Variants in SUGCT observed in about 807,000 individuals in gnomAD.
SUGCT encodes succinyl-CoA:glutarate CoA-transferase.
Under a neutral mutation model 55.0 loss-of-function variants are expected in SUGCT, and 41 were observed. The ratio of observed to expected loss-of-function variants is 0.74; its 90% CI spans 0.58 to 0.97. The LOEUF (loss-of-function observed/expected upper bound fraction) is 0.97, where lower values mean the gene tolerates loss of function less well. SUGCT is among the 50% of genes least tolerant of loss of function. SUGCT has a pLI of 0.00. For missense variants in SUGCT, 568 were observed against 547.8 expected (o/e 1.04, Z -0.37); for synonymous variants, 187 against 200.4 (o/e 0.93, Z 0.56).
At chr7:40,995,682 AATC>A in the SUGCT span, among the ~76,000 whole-genome samples, 4 of 151,736 alleles carry the variant, frequency 2.6e-5, no homozygotes, top group African/African-American at 9.7e-5. Context: ...TCATCACTAT[AATC>A]ATCACGTAAA....
At chr7:40,557,771 TAAAA>T (rs34029032) in intron 12 of SUGCT, among the ~76,000 whole-genome samples, 2 of 115,784 alleles carry the variant, frequency 1.7e-5, no homozygotes. Flanking sequence ...AGACTCTGTC[TAAAA>T]AAAAAAAAAA....
intron 8 of SUGCT, among the ~76,000 whole-genome samples, chr7:40,287,481 TG>T (rs1378909883): frequency 1.7e-4 from 26 of 151,086 alleles, no homozygotes; most frequent in South Asian, 4.1e-4. Context: ...GATGTAACTG[TG>T]TTTTTTCCCT....
chr7:41,007,262 A>G, the SUGCT span, among the ~76,000 whole-genome samples: 2 of 152,186 alleles, frequency 1.3e-5, no homozygotes, highest in African/African-American at 4.8e-5. Context: ...TGACTACTTA[A>G]TATTACACTA....
the SUGCT span, among the ~76,000 whole-genome samples, chr7:40,937,597 TA>T: frequency 2.0e-5 from 3 of 152,246 alleles, no homozygotes; most frequent in African/African-American, 7.2e-5. Flanking sequence ...TATGTGTTTA[TA>T]ATTGTTATAT....
chr7:40,529,897 A>G (rs940295815), intron 12 of SUGCT, among the ~76,000 whole-genome samples: 1 of 152,226 alleles, frequency 6.6e-6, no homozygotes, highest in Non-Finnish European at 1.5e-5. Context: ...GTTCAAAGGT[A>G]CAAGGAAAGT....
At chr7:40,920,045 C>T in the SUGCT span, among the ~76,000 whole-genome samples, 1 of 152,080 alleles carries the variant, frequency 6.6e-6, no homozygotes, top group Non-Finnish European at 1.5e-5. Context: ...AGCCTGGGAG[C>T]ACCTTCTCGG....
At chr7:40,329,518 A>G (rs1584695094) in intron 9 of SUGCT, among the ~76,000 whole-genome samples, 1 of 152,114 alleles carries the variant, frequency 6.6e-6, no homozygotes, top group Non-Finnish European at 1.5e-5. Flanking sequence ...CCTGGAAAGT[A>G]TTTACTCTCA....
At chr7:40,285,106 G>A (rs1793233440) in intron 8 of SUGCT, among the ~76,000 whole-genome samples, 1 of 152,140 alleles carries the variant, frequency 6.6e-6, no homozygotes, top group Non-Finnish European at 1.5e-5. Context: ...ATAAAATGGG[G>A]AGAAATGTTT....
chr7:40,169,606 C>T (rs1205403401), intron 1 of SUGCT, among the ~76,000 whole-genome samples: 3 of 152,126 alleles, frequency 2.0e-5, no homozygotes, highest in African/African-American at 4.8e-5. Context: ...TATTTCTATT[C>T]GGACAATCTT....
chr7:40,150,122 G>A (rs925448977), intron 1 of SUGCT, among the ~76,000 whole-genome samples: 1 of 152,100 alleles, frequency 6.6e-6, no homozygotes, highest in East Asian at 1.9e-4. Context: ...GGAGTCATGC[G>A]GCCGGAGGCT....
intron 12 of SUGCT, among the ~76,000 whole-genome samples, chr7:40,700,322 T>C (rs1220417898): frequency 6.6e-6 from 1 of 152,158 alleles, no homozygotes; most frequent in Admixed American, 6.5e-5. Flanking sequence ...ACTTAGCTTC[T>C]TCCTAAGACA....
chr7:40,398,092 TC>T, intron 9 of SUGCT, among the ~76,000 whole-genome samples: 1 of 152,136 alleles, frequency 6.6e-6, no homozygotes, highest in East Asian at 1.9e-4. Context: ...ATTTCTTTTT[TC>T]TTTTCTTTTC....
chr7:40,675,316 C>T (rs961372783), intron 12 of SUGCT, among the ~76,000 whole-genome samples: 1 of 152,210 alleles, frequency 6.6e-6, no homozygotes, highest in Non-Finnish European at 1.5e-5. Context: ...GCCTCGGCCT[C>T]CCGAAGTGCT....
chr7:40,466,925 C>T (rs750634338), intron 11 of SUGCT, among the ~76,000 whole-genome samples: 3 of 152,144 alleles, frequency 2.0e-5, no homozygotes, highest in Non-Finnish European at 2.9e-5. Context: ...ACAGACGGGC[C>T]GGGCACGGTG....
chr7:40,317,514 C>T (rs989326415), intron 9 of SUGCT, among the ~76,000 whole-genome samples: 1 of 152,180 alleles, frequency 6.6e-6, no homozygotes, highest in African/African-American at 2.4e-5. Context: ...CTGCATATCT[C>T]CTGTACTCTA....
intron 12 of SUGCT, among the ~76,000 whole-genome samples, chr7:40,613,492 C>T (rs1334167331): frequency 1.3e-5 from 2 of 152,182 alleles, no homozygotes; most frequent in East Asian, 1.9e-4. Context: ...GCAGTGGCTT[C>T]TTGACATTAG....
chr7:40,466,195 C>G (rs1790100734), intron 11 of SUGCT, among the ~76,000 whole-genome samples: 1 of 152,202 alleles, frequency 6.6e-6, no homozygotes. Flanking sequence ...CTCTGAGTCA[C>G]TATGCCTGGC....
chr7:40,178,825 TG>T (rs1269359118), intron 1 of SUGCT, among the ~76,000 whole-genome samples: 1 of 152,204 alleles, frequency 6.6e-6, no homozygotes, highest in Non-Finnish European at 1.5e-5. Flanking sequence ...ATTATTTCTT[TG>T]GTAATATTCT....
intron 13 of SUGCT, among the ~76,000 whole-genome samples, chr7:40,813,091 AT>A (rs1791505496): frequency 6.6e-6 from 1 of 151,972 alleles, no homozygotes; most frequent in African/African-American, 2.4e-5. Flanking sequence ...TTTGATTTTG[AT>A]TTTTTAAAAA....
Sources: allele counts gnomAD v4.1 joint callset (sites outside exome capture counted in the v4.1 genomes callset), GRCh38; gene constraint gnomAD v4.1.1; transcripts MANE v1.5; gene names NCBI Gene and HGNC (gene_info 2026-07-23, HGNC 2026-07-21).